Variants in ANK3 observed in about 807,000 individuals in gnomAD.
ANK3 encodes the protein ankyrin 3.
Under a neutral mutation model 370.9 loss-of-function variants are expected in ANK3, and 57 were observed. The ratio of observed to expected loss-of-function variants is 0.15; its 90% CI spans 0.12 to 0.19. ANK3 has a LOEUF of 0.19. Among genes scored for constraint, ANK3 ranks in the 10% least tolerant of loss-of-function variants. ANK3 has a pLI of 1.00. For missense variants in ANK3, 4,439 were observed against 5,302.1 expected, an observed-to-expected ratio of 0.84 and a Z score of 5.06; for synonymous variants, 1,929 against 1,946.3, an observed-to-expected ratio of 0.99 and a Z score of 0.23.
At chr10:60,509,499 G>A (rs2076025661) in intron 2 of ANK3, among the ~76,000 whole-genome samples, 1 of 152,122 alleles carries the variant, frequency 6.6e-6, no homozygotes. Context: ...TGTGTGCTTT[G>A]TGGGATTCAT....
intron 2 of ANK3, among the ~76,000 whole-genome samples, chr10:60,541,104 G>T (rs1252311216): frequency 2.0e-5 from 3 of 151,580 alleles, no homozygotes; most frequent in African/African-American, 7.3e-5. Flanking sequence ...AAAACACACT[G>T]ACAAATGGAA....
In ANK3 at chr10:60,070,856, T is replaced by G. The variant is rs2082546110; in HGVS notation, c.10025A>C (p.Glu3342Ala). 14 of 1,614,130 alleles carry G rather than the reference T, an allele frequency of 8.7e-6. No individual in the cohort carries two copies. The East Asian group carries it at 3.1e-4, about 36-fold the overall frequency. ...YTFKLKEVDD[E>A]QKEKPKASAE... The stretch of plus-strand genomic sequence containing the variant: ...AGAAGCTTTGGGTTTTTCTTTTTGT[T>G]CATCGTCCACTTCCTTTAATTTGAA... The change falls in exon 37 of 44, where the codon GAA (glutamate) becomes GCA (alanine). Residue 3342 changes from glutamate to alanine, a missense_variant. Glu to Ala is a moderately radical substitution (Grantham distance 107, BLOSUM62 -1). This residue lies in a region of ANK3 where 1,601 missense variants were observed against 1,731.7 expected (regional missense o/e 0.92). Coordinates refer to ENST00000280772, the MANE Select transcript of ANK3 (RefSeq NM_020987.5). This position sits in a 1 kb window ranked among gnomAD's most constrained non-coding sequence, Gnocchi z 5.7.
At chr10:60,543,057 C>T (rs1011109077) in intron 2 of ANK3, among the ~76,000 whole-genome samples, 14 of 151,908 alleles carry the variant, frequency 9.2e-5, no homozygotes, top group Non-Finnish European at 1.5e-5. Context: ...ATTGTGCTAT[C>T]TATATTACTT....
chr10:60,426,808 G>T (rs146203076), intron 2 of ANK3, among the ~76,000 whole-genome samples: 362 of 152,206 alleles, frequency 2.4e-3, no homozygotes, highest in African/African-American at 8.1e-3. Context: ...AAATTATGAA[G>T]TATAGAAGCC....
At chr10:60,715,194 TA>T (rs1176781109) in intron 1 of ANK3, among the ~76,000 whole-genome samples, 1 of 141,336 alleles carries the variant, frequency 7.1e-6, no homozygotes, top group African/African-American at 2.7e-5. Flanking sequence ...CAAATTCTAT[TA>T]TATATATTTA....
chr10:60,579,046 G>A (rs1052086864), intron 2 of ANK3, among the ~76,000 whole-genome samples: 1 of 152,098 alleles, frequency 6.6e-6, no homozygotes, highest in South Asian at 2.1e-4. Flanking sequence ...GATTTTTCTG[G>A]CCGGGCGCAG....
At chr10:60,229,230 T>A (rs1446262334) in intron 8 of ANK3, among the ~76,000 whole-genome samples, 1 of 152,196 alleles carries the variant, frequency 6.6e-6, no homozygotes, top group East Asian at 1.9e-4. Flanking sequence ...TATTTTTATA[T>A]GACATGAAGA....
chr10:60,116,583 G>A, intron 25 of ANK3, among the ~76,000 whole-genome samples: 1 of 126,092 alleles, frequency 7.9e-6, no homozygotes, highest in Non-Finnish European at 1.7e-5. Flanking sequence ...TGAAACAATA[G>A]ACTACTTATT....
chr10:60,447,623 G>A (rs1293431166), intron 2 of ANK3, among the ~76,000 whole-genome samples: 2 of 152,114 alleles, frequency 1.3e-5, no homozygotes, highest in Non-Finnish European at 2.9e-5. Flanking sequence ...TGGGCAAAAT[G>A]CACCATGCCA....
chr10:60,687,495 T>A (rs968363985), intron 1 of ANK3, among the ~76,000 whole-genome samples: 1 of 150,974 alleles, frequency 6.6e-6, no homozygotes, highest in Non-Finnish European at 1.5e-5. Context: ...AAAACCACAA[T>A]GAGATACCGC....
intron 1 of ANK3, among the ~76,000 whole-genome samples, chr10:60,679,961 C>A (rs546884773): frequency 6.6e-6 from 1 of 151,662 alleles, no homozygotes; most frequent in Non-Finnish European, 1.5e-5. Flanking sequence ...CATGGTGAAA[C>A]CTCTCTCTAC....
At position 60,389,478 on chromosome 10, in the gene ANK3, C is replaced by G; in HGVS notation, c.61G>C (p.Glu21Gln). 6.2e-7 allele frequency: 1 copy of G among 1,613,942 alleles called. No individual in the cohort carries two copies. Among genetic ancestry groups the G allele is most frequent in the Non-Finnish European group, 8.5e-7 (1 of 1,179,960 alleles). ...CGGTGTTTCCTTTTTTTCTCAGGCT[C>G]TTCTTCAGCATTGATTTCTAAATCC... ...NRDLEINAEEEPEKKRKHRKR... is the reference protein window; with the variant it reads ...NRDLEINAEEQPEKKRKHRKR... Residue 21 changes from glutamate (E) to glutamine (Q), a missense_variant, in exon 1 of 44, where the codon GAG becomes CAG. By Grantham distance (29) the Glu-to-Gln change is conservative (BLOSUM62 2). Around this residue, in one of 13 missense-constraint regions of ANK3, gnomAD observed 54 missense variants for 52.7 expected, o/e 1.02. Coordinates refer to ENST00000280772, the MANE Select transcript of ANK3 (RefSeq NM_020987.5).
chr10:60,121,148 T>C lies in ANK3; in HGVS notation c.2842-6817A>G, dbSNP rs577477247. On this transcript the variant is annotated intron_variant, in intron 25 of 43. Transcript: ENST00000280772. The stretch of plus-strand genomic sequence containing the variant: ...AGTACTGTTCAGCCATAAAAAAGAA[T>C]GAGAGCCTGTCATTTGCAACAACAT... Among the ~76,000 whole-genome samples, 23 of 152,222 alleles carry C rather than the reference T, an allele frequency of 1.5e-4. No homozygotes were observed. The East Asian group carries it at 3.5e-3, about 23-fold the overall frequency.
At chr10:60,394,039 G>A (rs2063165523), upstream of ANK3, among the ~76,000 whole-genome samples, 2 of 151,192 alleles carry the variant, frequency 1.3e-5, no homozygotes, top group African/African-American at 2.4e-5. Flanking sequence ...AAATGAGAAC[G>A]ACTTCATGCT....
chr10:60,084,347 A>G, intron 32 of ANK3: 1 of 173,042 alleles, frequency 5.8e-6, no homozygotes, highest in Non-Finnish European at 1.2e-5. Context: ...CGGAGGTTGC[A>G]GTAAGCTGAG....
intron 1 of ANK3, among the ~76,000 whole-genome samples, chr10:60,625,230 C>T (rs952857948): frequency 7.2e-5 from 11 of 152,010 alleles, no homozygotes; most frequent in African/African-American, 2.2e-4. Flanking sequence ...ACATCTTGGA[C>T]GTGCAGAGCA....
At chr10:60,037,834 G>C (rs896965338) in intron 43 of ANK3, among the ~76,000 whole-genome samples, 4 of 152,126 alleles carry the variant, frequency 2.6e-5, no homozygotes, top group Admixed American at 1.3e-4. Flanking sequence ...TGGGTTGAAC[G>C]GTCGTTCTGT....
intron 4 of ANK3, among the ~76,000 whole-genome samples, chr10:60,277,128 T>G (rs1251562727): frequency 6.6e-6 from 1 of 152,230 alleles, no homozygotes; most frequent in Non-Finnish European, 1.5e-5. Context: ...GTGCAGTTCC[T>G]TTTCTTTGAC....
At chr10:60,396,160 T>TA (rs1348275756) in intron 2 of ANK3, among the ~76,000 whole-genome samples, 5 of 151,906 alleles carry the variant, frequency 3.3e-5, no homozygotes, top group Non-Finnish European at 5.9e-5. Context: ...AGTAAACAAA[T>TA]AAAAAAATGA....
Sources: gnomAD v4.1 joint callset for allele counts (sites outside exome capture counted in the v4.1 genomes callset) on GRCh38, gnomAD v4.1.1 for gene constraint, gnomAD v4.1.1 regional missense constraint, Gnocchi (gnomAD v3.1) non-coding constraint, MANE v1.5 for transcripts, NCBI Gene and HGNC (gene_info 2026-07-23, HGNC 2026-07-21) for gene names.